BICRAL: variants seen among roughly 807,000 people sequenced by gnomAD.
BICRAL encodes BICRA like chromatin remodeling complex associated protein.
BICRAL carries 8 observed loss-of-function variants against 91.8 expected under a neutral mutation model. The ratio of observed to expected loss-of-function variants is 0.09; its 90% CI spans 0.05 to 0.16. The LOEUF is 0.16. BICRAL is among the 10% of genes least tolerant of loss of function. The pLI is 1.00. For synonymous variants in BICRAL, 445 were observed against 491.1 expected, an observed-to-expected ratio of 0.91 and a Z score of 1.24; for missense variants, 1,038 against 1,310.9, an observed-to-expected ratio of 0.79 and a Z score of 3.21.
At chr6:42,774,449 G>A (rs1040061959) in intron 1 of BICRAL, among the ~76,000 whole-genome samples, 13 of 152,130 alleles carry the variant, frequency 8.5e-5, no homozygotes, top group Admixed American at 5.2e-4. Flanking sequence ...GTAACTCATC[G>A]CATTTTCACC....
chr6:42,750,715 A>G (rs1562445643), intron 1 of BICRAL, among the ~76,000 whole-genome samples: 1 of 151,784 alleles, frequency 6.6e-6, no homozygotes, highest in African/African-American at 2.4e-5. Flanking sequence ...AGCTGGGATT[A>G]CAGGTGCCCA....
intron 2 of BICRAL, among the ~76,000 whole-genome samples, chr6:42,815,713 C>T (rs1001987269): frequency 7.9e-5 from 12 of 151,722 alleles, no homozygotes; most frequent in African/African-American, 2.7e-4. Flanking sequence ...CTTGGCCGGG[C>T]GTGGTGGCTC....
intron 6 of BICRAL, among the ~76,000 whole-genome samples, chr6:42,849,789 C>T (rs898412151): frequency 7.9e-5 from 12 of 151,998 alleles, no homozygotes; most frequent in Admixed American, 3.9e-4. Flanking sequence ...CAGTGGCTCA[C>T]GCCTATAATC....
At chr6:42,768,366 C>T (rs1410013550) in intron 1 of BICRAL, among the ~76,000 whole-genome samples, 1 of 152,076 alleles carries the variant, frequency 6.6e-6, no homozygotes, top group Non-Finnish European at 1.5e-5. Context: ...GACCTTTTAC[C>T]CCATCGATAG....
At chr6:42,748,284 G>GA (rs909722952) in intron 1 of BICRAL, among the ~76,000 whole-genome samples, 4 of 152,100 alleles carry the variant, frequency 2.6e-5, no homozygotes, top group Non-Finnish European at 5.9e-5. Flanking sequence ...TATTTTTCTA[G>GA]AAAAAAACAA....
At chr6:42,792,081 C>T (rs142995138) in intron 1 of BICRAL, among the ~76,000 whole-genome samples, 88 of 152,196 alleles carry the variant, frequency 5.8e-4, no homozygotes, top group African/African-American at 2.0e-3. Flanking sequence ...GGGCAGTTAC[C>T]ATGAATGAAG....
chr6:42,854,034 A>G (rs1486652857), intron 8 of BICRAL, among the ~76,000 whole-genome samples: 2 of 152,240 alleles, frequency 1.3e-5, no homozygotes, highest in Non-Finnish European at 2.9e-5. Context: ...CACTCAAAAA[A>G]TGTCATTTAC....
chr6:42,807,472 C>T (rs1763740513), intron 1 of BICRAL, among the ~76,000 whole-genome samples: 1 of 152,096 alleles, frequency 6.6e-6, no homozygotes, highest in African/African-American at 2.4e-5. Context: ...CATGAGCTAC[C>T]ACACCCGGCC....
chr6:42,802,210 C>T (rs1286658641), intron 1 of BICRAL, among the ~76,000 whole-genome samples: 4 of 149,764 alleles, frequency 2.7e-5, no homozygotes, highest in East Asian at 2.0e-4. Context: ...TTCATGCCAT[C>T]GTACTCCAGC....
At chr6:42,791,024 T>C (rs143027791) in intron 1 of BICRAL, among the ~76,000 whole-genome samples, 608 of 152,092 alleles carry the variant, frequency 4.0e-3, no homozygotes, top group Non-Finnish European at 6.3e-3. Flanking sequence ...AGCTCAGGAC[T>C]TGACTGTGCT....
intron 1 of BICRAL, among the ~76,000 whole-genome samples, chr6:42,775,431 C>A (rs977077897): frequency 2.0e-5 from 3 of 152,194 alleles, no homozygotes; most frequent in Admixed American, 6.5e-5. Context: ...CTCCACTCCC[C>A]CATCCTCCTG....
intron 6 of BICRAL, among the ~76,000 whole-genome samples, chr6:42,845,090 G>A (rs1054150845): frequency 6.7e-6 from 1 of 150,340 alleles, no homozygotes; most frequent in Non-Finnish European, 1.5e-5. Flanking sequence ...ATAACACACT[G>A]ATCTATCATG....
upstream of BICRAL, among the ~76,000 whole-genome samples, chr6:42,781,519 A>T (rs1237593801): frequency 1.3e-5 from 2 of 148,392 alleles, no homozygotes; most frequent in African/African-American, 5.0e-5. Flanking sequence ...AGAGTTCTAA[A>T]CAAATCTTGT....
At chr6:42,785,271 G>C (rs535727852) in intron 1 of BICRAL, among the ~76,000 whole-genome samples, 1 of 152,124 alleles carries the variant, frequency 6.6e-6, no homozygotes, top group Non-Finnish European at 1.5e-5. Context: ...AACAAACGTA[G>C]CCTTGAGGCC....
intron 6 of BICRAL, among the ~76,000 whole-genome samples, chr6:42,839,997 A>G (rs1248498365): frequency 1.3e-5 from 2 of 152,230 alleles, no homozygotes; most frequent in East Asian, 1.9e-4. Context: ...TTAAAATTCA[A>G]AAGTCAGTTG....
intron 1 of BICRAL, among the ~76,000 whole-genome samples, chr6:42,786,462 C>T (rs1020766123): frequency 7.6e-5 from 11 of 145,290 alleles, no homozygotes; most frequent in African/African-American, 3.0e-4. Flanking sequence ...GACTAAAATC[C>T]AATAAAGCTT....
chr6:42,838,249 A>G (rs1764696024), intron 6 of BICRAL, among the ~76,000 whole-genome samples: 1 of 152,212 alleles, frequency 6.6e-6, no homozygotes, highest in Admixed American at 6.6e-5. Flanking sequence ...TCCAGAGAGC[A>G]CTGATTTCAT....
chr6:42,763,053 A>C (rs1483607680), intron 1 of BICRAL, among the ~76,000 whole-genome samples: 2 of 152,184 alleles, frequency 1.3e-5, no homozygotes, highest in Admixed American at 1.3e-4. Flanking sequence ...TCTGCCCCTT[A>C]TTGTCCAGTA....
intron 1 of BICRAL, among the ~76,000 whole-genome samples, chr6:42,774,477 TC>T (rs1418964141): frequency 6.6e-6 from 1 of 152,192 alleles, no homozygotes; most frequent in Non-Finnish European, 1.5e-5. Flanking sequence ...GTGCGAAATA[TC>T]CTTTCAGAGC....
Sources: gnomAD v4.1 joint callset for allele counts (sites outside exome capture counted in the v4.1 genomes callset) on GRCh38, gnomAD v4.1.1 for gene constraint, MANE v1.5 for transcripts, NCBI Gene and HGNC (gene_info 2026-07-23, HGNC 2026-07-21) for gene names.